GPC2: variants seen among roughly 807,000 people sequenced by gnomAD.
GPC2 encodes the protein glypican-2.
In GPC2, 42 loss-of-function variants were observed where a neutral mutation model predicts 57.3. The observed-to-expected ratio is 0.73, with a 90% CI of 0.57 to 0.95. The LOEUF is 0.95. Ranked by LOEUF, GPC2 falls within the 40% of genes least tolerant of loss-of-function variation. The pLI is 0.00. For synonymous variants in GPC2, 364 were observed against 343.4 expected (o/e 1.06, Z -0.66); for missense variants, 745 against 793.6 (o/e 0.94, Z 0.74).
rs1799256779 is a variant in GPC2, at chr7:100,175,716, T to C, written c.504A>G (p.Ala168=). 2 of 1,614,022 alleles carry C rather than the reference T, an allele frequency of 1.2e-6. No homozygotes were observed. The highest frequency in any genetic ancestry group is 2.7e-5 in the African/African-American group (2 of 74,910). Reference sequence around the variant, plus strand: ...GCGGGAACACTCTCTCCAGGAGCTGTGCCCAGAAATCCGCCAGGGTGTCAT... The same window carrying C: ...GCGGGAACACTCTCTCCAGGAGCTGCGCCCAGAAATCCGCCAGGGTGTCAT... ...GLDDTLADFW[A]QLLERVFPLL... is the part of the protein sequence containing the mutation. Residue 168 remains alanine, a synonymous_variant, in exon 3 of 10, where the codon GCA becomes GCG. Coordinates refer to ENST00000292377, the MANE Select transcript of GPC2 (RefSeq NM_152742.3).
In GPC2 at chr7:100,170,492, A is replaced by T. The variant is rs1195344255; in HGVS notation, c.1487-9T>A. The T allele has an allele frequency of 2.0e-6, 3 of 1,513,016 alleles. No homozygotes were observed. In the African/African-American group the frequency reaches 4.2e-5, roughly 21 times the overall value. 93.7% of individuals were successfully genotyped at this position (1,513,016 alleles called of 1,614,324 possible). On this transcript the variant is annotated splice_polypyrimidine_tract_variant and intron_variant, in intron 9 of 9. Transcript: ENST00000292377. ...GCCGCTGGCATCCTCATCTGCAAGG[A>T]AGAAGAGGGACAGAGCAGGATGGGA...
In GPC2 at chr7:100,171,522, A is replaced by G; in HGVS notation, c.1310+17T>C. 3 of 1,361,522 alleles carry G rather than the reference A, an allele frequency of 2.2e-6. No homozygotes were observed. Among genetic ancestry groups the G allele is most frequent in the Non-Finnish European group, 2.8e-6 (3 of 1,064,536 alleles). The allele number at this position is 1,361,522 out of a possible 1,614,324, so 84.3% of individuals were successfully genotyped here. On this transcript the variant is annotated intron_variant, in intron 8 of 9. Coordinates refer to ENST00000292377, the MANE Select transcript of GPC2 (RefSeq NM_152742.3). The surrounding 1 kb of genome is among the most constrained non-coding windows in gnomAD (Gnocchi z 4.8). ...CGGTCCCGCCCCCTGCTGCCCCCCG[A>G]CGCCCCCGAGGCTCACCGGCCCCGC... is the stretch of plus-strand genomic sequence containing the variant.
Position 100,170,014 on chromosome 7 carries a change from C to T in GPC2, c.*216G>A, listed in dbSNP as rs1799149725. 2.0e-6 allele frequency: 1 copy of T among 496,250 alleles called. No individual in the cohort carries two copies. The highest frequency in any genetic ancestry group is 3.8e-5 in the Admixed American group (1 of 26,226). 30.7% of individuals were successfully genotyped at this position (496,250 alleles called of 1,614,324 possible). ...ACACTCCCTCCTAAATAAATACCCCCAGGCCCCCCTCCCATTACCAAATGA... is the reference window on the plus strand; with the variant it reads ...ACACTCCCTCCTAAATAAATACCCCTAGGCCCCCCTCCCATTACCAAATGA... On this transcript the variant is annotated 3_prime_UTR_variant, in exon 10 of 10. Coordinates refer to ENST00000292377, the MANE Select transcript of GPC2 (RefSeq NM_152742.3).
At chr7:100,174,526 A>T (rs1318901637) in intron 4 of GPC2, 159 bp downstream of exon 4, 18 of 703,266 alleles carry the variant, frequency 2.6e-5, no homozygotes, top group Admixed American at 6.0e-5. Context: ...GTTTCACTCC[A>T]GCCCCCTCCT....
rs1302388618 is a variant in GPC2 at position 100,171,411 on chromosome 7, A to C, written c.1336T>G (p.Ser446Ala). 1 of 1,482,732 alleles carries C rather than the reference A, an allele frequency of 6.7e-7. No individual in the cohort carries two copies. Among genetic ancestry groups the C allele is most frequent in the African/African-American group, 1.5e-5 (1 of 68,346 alleles). The allele number at this position is 1,482,732 out of a possible 1,614,324, so 91.8% of individuals were successfully genotyped here. ...GRYLPPVVGGSPAEQVNNPEL... is the reference protein window; with the variant it reads ...GRYLPPVVGGAPAEQVNNPEL... ...GGGTTGTTGACCTGCTCGGCCGGGG[A>C]GCCCCCGACCACTGGCGGCAAGTAC... The change falls in exon 9 of 10, where the codon TCC becomes GCC. Residue 446 changes from serine (S) to alanine (A), a missense_variant. By Grantham distance (99) the Ser-to-Ala change is moderately conservative. Transcript: ENST00000292377. This position sits in a 1 kb window ranked among gnomAD's most constrained non-coding sequence, Gnocchi z 4.8.
At chr7:100,173,537 G>C (rs1584631247) in intron 5 of GPC2, 1 of 179,434 alleles carries the variant, frequency 5.6e-6, no homozygotes, top group Non-Finnish European at 1.1e-5. Context: ...CTCAGCCTCA[G>C]GAGTAACTGG....
In GPC2 at chr7:100,171,325, G is replaced by T. The variant is rs754539690; in HGVS notation, c.1422C>A (p.Leu474=). 4.5e-6 allele frequency: 7 copies of T among 1,544,408 alleles called. No homozygotes were observed. The South Asian group carries it at 7.2e-5, about 16-fold the overall frequency. The part of the protein sequence containing the change: ...DVPTRRRRLQ[L]RAATARMKTA... Reference sequence around the variant, plus strand: ...TTTTCATTCTGGCCGTGGCCGCCCGGAGCTGTAGCCGACGCCGCCGTGTCG... The same window carrying T: ...TTTTCATTCTGGCCGTGGCCGCCCGTAGCTGTAGCCGACGCCGCCGTGTCG... The change falls in exon 9 of 10, where the codon CTC becomes CTA. Residue 474 remains leucine, a synonymous_variant. Transcript: ENST00000292377. The surrounding 1 kb of genome is among the most constrained non-coding windows in gnomAD (Gnocchi z 4.8).
Position 100,171,792 on chromosome 7 carries a change from T to G in GPC2, c.1157A>C (p.Asn386Thr). ...EERPTTAAGT[N>T]LHRLVWELRE... ...CATCCCACGCACCAGCCGGTGCAGG[T>G]TGGTGCCTGCGGCCGTCGTGGGCCG... Residue 386 changes from asparagine (N) to threonine (T), a missense_variant, in exon 7 of 10, where the codon AAC (asparagine) becomes ACC (threonine). By Grantham distance (65) the Asn-to-Thr change is moderately conservative. This residue lies in a region of GPC2 where 607 missense variants were observed against 603.9 expected (regional missense o/e 1.01). Coordinates refer to ENST00000292377, the MANE Select transcript of GPC2 (RefSeq NM_152742.3). The surrounding 1 kb of genome is among the most constrained non-coding windows in gnomAD (Gnocchi z 4.8). The G allele has an allele frequency of 1.9e-6, 3 of 1,556,056 alleles. No homozygotes were observed. The highest frequency in any genetic ancestry group is 1.7e-6 in the Non-Finnish European group (2 of 1,159,244).
intron 5 of GPC2, among the ~76,000 whole-genome samples, chr7:100,172,671 A>ATGTGTGTGTGTGTGTATATATATATATG (rs1562957557): frequency 8.4e-5 from 12 of 142,830 alleles, no homozygotes; most frequent in African/African-American, 2.7e-4. Flanking sequence ...ATATATATAT[A>ATGTGTGTGTGTGTGTATATATATATATG]TGTGTGTGTG....
intron 5 of GPC2, among the ~76,000 whole-genome samples, chr7:100,172,725 ATATATATGTG>A (rs1411196785): frequency 7.7e-6 from 1 of 129,108 alleles, no homozygotes; most frequent in Admixed American, 8.8e-5. Context: ...ATATACACGT[ATATATATGTG>A]TATATATATG....
chr7:100,176,096 G>GGGGGGGGA, intron 2 of GPC2, 111 bp downstream of exon 2: 1 of 395,278 alleles, frequency 2.5e-6, no homozygotes, highest in Non-Finnish European at 4.0e-6. Flanking sequence ...GGCGGGCTGG[G>GGGGGGGGA]AGGGGATGGA....
intron 5 of GPC2, among the ~76,000 whole-genome samples, chr7:100,172,900 A>T (rs1440212300): frequency 2.7e-5 from 4 of 148,092 alleles, no homozygotes; most frequent in Admixed American, 2.0e-4. Context: ...AAAAAAAAAG[A>T]GTCTCATCTG....
intron 2 of GPC2, 68 bp from the exon 3 acceptor site, chr7:100,175,962 C>A: frequency 2.3e-6 from 3 of 1,326,990 alleles, no homozygotes; most frequent in South Asian, 1.2e-5. Context: ...AGTGAACAGG[C>A]AGAGGCAGGA....
Position 100,174,655 on chromosome 7 carries a change from G to A in GPC2, c.729+30C>T. On this transcript the variant is annotated intron_variant, in intron 4 of 9. Coordinates refer to ENST00000292377, the MANE Select transcript of GPC2 (RefSeq NM_152742.3). Reference sequence around the variant, plus strand: ...TCTCACTTCCACCTCTCCCTCCCTGGGCCCTGCCCATACTCAGGCACCCTC... The same window carrying A: ...TCTCACTTCCACCTCTCCCTCCCTGAGCCCTGCCCATACTCAGGCACCCTC... The A allele has an allele frequency of 2.0e-6, 3 of 1,522,472 alleles. No homozygotes were observed. The South Asian group carries it at 3.4e-5, about 17-fold the overall frequency. 94.3% of individuals were successfully genotyped at this position (1,522,472 alleles called of 1,614,324 possible). A position where few individuals can be genotyped will look rare whatever the true frequency, so the allele number is the denominator to read the frequency against.
At chr7:100,176,999 ACCC>A (rs1160807567) in intron 1 of GPC2, 32 bp downstream of exon 1, 2 of 216,568 alleles carry the variant, frequency 9.2e-6, no homozygotes, top group African/African-American at 8.1e-5. Context: ...CCCGCCCCCC[ACCC>A]CCAATTCTCT....
intron 5 of GPC2, among the ~76,000 whole-genome samples, chr7:100,172,763 G>GTA (rs1206784249): frequency 9.9e-5 from 11 of 110,744 alleles, no homozygotes; most frequent in Admixed American, 1.9e-4. Flanking sequence ...ATATATGTGT[G>GTA]TATATATATA....
At chr7:100,176,945 C>G (rs983844606) in intron 1 of GPC2, 89 bp downstream of exon 1, 2 of 975,464 alleles carry the variant, frequency 2.1e-6, no homozygotes, top group Non-Finnish European at 3.0e-6. Context: ...ATAACGGTCA[C>G]TCTGAAAAGG....
Position 100,173,518 on chromosome 7 carries a change from T to G in GPC2, c.892+317A>C, listed in dbSNP as rs1373450793. 3 of 185,714 alleles carry G rather than the reference T, an allele frequency of 1.6e-5. No individual in the cohort carries two copies. In the Admixed American group the frequency reaches 1.9e-4, roughly 12 times the overall value. 11.5% of individuals were successfully genotyped at this position (185,714 alleles called of 1,614,324 possible). A position where few individuals can be genotyped will look rare whatever the true frequency, so the allele number is the denominator to read the frequency against. On this transcript the variant is annotated intron_variant, in intron 5 of 9. Transcript: ENST00000292377. Reference sequence around the variant, plus strand: ...GCCTCCAACTCCTGGCCTCAAGTGATCCTCCTGCCTCAGCCTCAGGAGTAA... The same window carrying G: ...GCCTCCAACTCCTGGCCTCAAGTGAGCCTCCTGCCTCAGCCTCAGGAGTAA...
rs1258188961 is a variant in GPC2, at chr7:100,171,013, A to G, written c.1486+248T>C. The G allele has an allele frequency of 4.9e-6, 2 of 410,568 alleles. No homozygotes were observed. Among genetic ancestry groups the G allele is most frequent in the African/African-American group, 4.2e-5 (2 of 47,548 alleles). 25.4% of individuals were successfully genotyped at this position (410,568 alleles called of 1,614,324 possible). ...ATTTTCCCACTGCCCTTTGCCCATT[A>G]TAAGGGGCTTCCCACTGTTCTTTAA... On this transcript the variant is annotated intron_variant, in intron 9 of 9. Transcript: ENST00000292377. This position sits in a 1 kb window ranked among gnomAD's most constrained non-coding sequence, Gnocchi z 4.8.
Sources: gnomAD v4.1 joint callset for allele counts (sites outside exome capture counted in the v4.1 genomes callset) on GRCh38, gnomAD v4.1.1 for gene constraint, gnomAD v4.1.1 regional missense constraint, Gnocchi (gnomAD v3.1) non-coding constraint, MANE v1.5 for transcripts, NCBI Gene and HGNC (gene_info 2026-07-23, HGNC 2026-07-21) for gene names.